PSMA1: variants seen among roughly 807,000 people sequenced by gnomAD.
PSMA1 encodes proteasome subunit alpha type-1.
A neutral mutation model predicts 38.4 loss-of-function variants in PSMA1; 3 were observed. That is an observed-to-expected ratio of 0.08 (90% CI 0.04 to 0.20). The LOEUF is 0.20. Ranked by LOEUF, PSMA1 falls within the 10% of genes least tolerant of loss-of-function variation. The pLI is 1.00. For missense variants in PSMA1, 227 were observed against 325.3 expected (o/e 0.70, Z 2.32); for synonymous variants, 101 against 107.1 (o/e 0.94, Z 0.35).
intron 2 of PSMA1, among the ~76,000 whole-genome samples, chr11:14,562,735 C>T (rs991383531): frequency 3.1e-4 from 47 of 151,932 alleles, no homozygotes; most frequent in African/African-American, 1.1e-3. Flanking sequence ...AGCGATCCTC[C>T]CATCCCAGCC....
At chr11:14,636,119 T>G (rs1419020743) in intron 1 of PSMA1, among the ~76,000 whole-genome samples, 25 of 152,194 alleles carry the variant, frequency 1.6e-4, no homozygotes, top group Admixed American at 1.6e-3. Flanking sequence ...AGGTAAAGCT[T>G]TTTCCTGGCT....
At chr11:14,598,198 T>C (rs1011506569) in intron 2 of PSMA1, among the ~76,000 whole-genome samples, 7 of 152,116 alleles carry the variant, frequency 4.6e-5, no homozygotes, top group African/African-American at 1.4e-4. Flanking sequence ...ATAAGTGTGA[T>C]TGATGCTGAG....
chr11:14,623,214 C>T (rs1852870604), intron 1 of PSMA1, among the ~76,000 whole-genome samples: 1 of 152,216 alleles, frequency 6.6e-6, no homozygotes, highest in African/African-American at 2.4e-5. Flanking sequence ...AACACCCTTC[C>T]CTAGCTTGTT....
chr11:14,617,563 A>G (rs1189817515), intron 1 of PSMA1, among the ~76,000 whole-genome samples: 3 of 152,130 alleles, frequency 2.0e-5, no homozygotes, highest in Non-Finnish European at 4.4e-5. Flanking sequence ...AATTTAATAC[A>G]CACTAAGACT....
intron 2 of PSMA1, among the ~76,000 whole-genome samples, chr11:14,577,243 C>G (rs1026874769): frequency 1.3e-5 from 2 of 152,156 alleles, no homozygotes; most frequent in African/African-American, 4.8e-5. Context: ...CTATTATTAT[C>G]TTCATTTTAC....
Position 14,584,507 on chromosome 11 carries a change from G to GT in PSMA1, c.21+26458dup, listed in dbSNP as rs58620375. Reference sequence around the variant, plus strand: ...GTTTGGAGTGTTTTTTTTGTTTTTTGTTTTTTTTTTTTTTTTTTTTAAAGA... The same window carrying GT: ...GTTTGGAGTGTTTTTTTTGTTTTTTGTTTTTTTTTTTTTTTTTTTTTAAAGA... On this transcript the variant is annotated intron_variant, in intron 2 of 10. Coordinates refer to the PSMA1 transcript ENST00000418988. 5.6e-3 allele frequency among the ~76,000 whole-genome samples: 694 copies of GT among 124,776 alleles called. 1 individual carries two copies. Among genetic ancestry groups the GT allele is most frequent in the African/African-American group, 9.2e-3 (287 of 31,076 alleles). 81.9% of individuals were successfully genotyped at this position (124,776 alleles called of 152,430 possible).
At chr11:14,508,780 C>A (rs1351634434) in intron 8 of PSMA1, among the ~76,000 whole-genome samples, 1 of 152,136 alleles carries the variant, frequency 6.6e-6, no homozygotes. Flanking sequence ...CCTTATTATT[C>A]CATTAAGCCT....
chr11:14,528,953 G>A lies in PSMA1; in HGVS notation c.22-9912C>T, dbSNP rs191520311. 4.7e-4 allele frequency among the ~76,000 whole-genome samples: 71 copies of A among 151,802 alleles called. No individual in the cohort carries two copies. In the East Asian group the frequency reaches 0.011, roughly 23 times the overall value. ...ACTAATTAATGATAATCCACCACCC[G>A]TTGCTGACTCTCTTTTCGGACTCAG... On this transcript the variant is annotated intron_variant, in intron 2 of 10. Coordinates refer to the PSMA1 transcript ENST00000418988.
intron 2 of PSMA1, among the ~76,000 whole-genome samples, chr11:14,568,094 A>C (rs1852093937): frequency 6.6e-6 from 1 of 152,254 alleles, no homozygotes; most frequent in African/African-American, 2.4e-5. Context: ...GCAACAGCTC[A>C]TAGCAAATGC....
intron 2 of PSMA1, among the ~76,000 whole-genome samples, chr11:14,564,803 G>T: frequency 6.8e-6 from 1 of 147,926 alleles, no homozygotes. Context: ...TTTTTGAGAA[G>T]GGTCCCACTC....
upstream of PSMA1, among the ~76,000 whole-genome samples, chr11:14,525,200 C>A (rs909816455): frequency 2.0e-5 from 3 of 152,154 alleles, no homozygotes; most frequent in Admixed American, 1.3e-4. Flanking sequence ...TTATCCCCAA[C>A]TGCCCACTTT....
intron 2 of PSMA1, among the ~76,000 whole-genome samples, chr11:14,573,643 C>T (rs979475709): frequency 1.3e-5 from 2 of 152,098 alleles, no homozygotes; most frequent in Non-Finnish European, 2.9e-5. Flanking sequence ...ATTCAATATA[C>T]TATTGGAAGT....
chr11:14,514,984 T>C (rs1360110800), intron 4 of PSMA1, among the ~76,000 whole-genome samples: 7 of 152,232 alleles, frequency 4.6e-5, no homozygotes, highest in African/African-American at 1.7e-4. Context: ...AGAAGCACTC[T>C]AGAGGAGATA....
chr11:14,554,735 A>T (rs1303498914), intron 2 of PSMA1, among the ~76,000 whole-genome samples: 1 of 152,130 alleles, frequency 6.6e-6, no homozygotes, highest in African/African-American at 2.4e-5. Flanking sequence ...CACTTTTTTT[A>T]AAAGTGGATT....
intron 2 of PSMA1, among the ~76,000 whole-genome samples, chr11:14,595,882 C>G (rs1852484831): frequency 6.6e-6 from 1 of 152,190 alleles, no homozygotes; most frequent in Admixed American, 6.5e-5. Context: ...TTAGGTCTAA[C>G]AGTTAAGTCT....
chr11:14,632,564 G>A (rs1249718822), intron 1 of PSMA1, among the ~76,000 whole-genome samples: 2 of 151,054 alleles, frequency 1.3e-5, no homozygotes, highest in Non-Finnish European at 2.9e-5. Context: ...TTCCCTTTGA[G>A]GGTAACCCGA....
At chr11:14,565,801 G>A (rs898716401) in intron 2 of PSMA1, among the ~76,000 whole-genome samples, 7 of 152,154 alleles carry the variant, frequency 4.6e-5, no homozygotes, top group African/African-American at 1.2e-4. Context: ...GTAAAGCAGC[G>A]GCAAGAAGGC....
At chr11:14,639,506 C>G (rs1455846699) in intron 1 of PSMA1, among the ~76,000 whole-genome samples, 1 of 152,108 alleles carries the variant, frequency 6.6e-6, no homozygotes, top group African/African-American at 2.4e-5. Flanking sequence ...TTGCTATAGG[C>G]ATGAAGATTG....
At chr11:14,571,123 C>T (rs185590152) in intron 2 of PSMA1, among the ~76,000 whole-genome samples, 6 of 152,172 alleles carry the variant, frequency 3.9e-5, no homozygotes, top group Admixed American at 1.3e-4. Flanking sequence ...AGTGTACTGG[C>T]GAGATCGCGG....
Sources: gnomAD v4.1 joint callset for allele counts (sites outside exome capture counted in the v4.1 genomes callset) on GRCh38, gnomAD v4.1.1 for gene constraint, MANE v1.5 for transcripts, NCBI Gene and HGNC (gene_info 2026-07-23, HGNC 2026-07-21) for gene names.